ZNF609: variants seen among roughly 807,000 people sequenced by gnomAD.
ZNF609 encodes the protein zinc finger protein 609.
A neutral mutation model predicts 109.5 loss-of-function variants in ZNF609; 11 were observed. The ratio of observed to expected loss-of-function variants is 0.10; its 90% CI spans 0.06 to 0.17. The LOEUF is 0.17. Ranked by LOEUF, ZNF609 falls within the 10% of genes least tolerant of loss-of-function variation. The pLI is 1.00. For synonymous variants in ZNF609, 646 were observed against 662.0 expected (o/e 0.98, Z 0.37); for missense variants, 1,559 against 1,772.4 (o/e 0.88, Z 2.16).
chr15:64,639,242 C>T (rs897310269), intron 3 of ZNF609, among the ~76,000 whole-genome samples: 1 of 152,230 alleles, frequency 6.6e-6, no homozygotes, highest in Non-Finnish European at 1.5e-5. Context: ...AGCAGCAATT[C>T]AGTGAGGCTA....
At chr15:64,646,755 A>G (rs894912147) in intron 3 of ZNF609, among the ~76,000 whole-genome samples, 4 of 151,544 alleles carry the variant, frequency 2.6e-5, no homozygotes, top group South Asian at 4.2e-4. Context: ...CCTGGCCAAC[A>G]TGGTGAAACC....
At chr15:64,489,911 T>C (rs1423031340) in intron 1 of ZNF609, among the ~76,000 whole-genome samples, 2 of 152,132 alleles carry the variant, frequency 1.3e-5, no homozygotes, top group East Asian at 1.9e-4. Flanking sequence ...AAGAGCTACA[T>C]AGCCATCCAA....
Position 64,674,587 on chromosome 15 carries a change from C to G in ZNF609, c.1733C>G (p.Ser578Cys). The G allele has an allele frequency of 6.2e-7, 1 of 1,614,086 alleles. No individual in the cohort carries two copies. The highest frequency in any genetic ancestry group is 8.5e-7 in the Non-Finnish European group (1 of 1,180,006). ...CGACTTGTAGAGCCCCATAGCCCTT[C>G]TCCTTCAAGCAAATTCAGCACAAAA... Reference protein sequence around the residue: ...KVRLVEPHSPSPSSKFSTKGL... With the variant: ...KVRLVEPHSPCPSSKFSTKGL... Residue 578 changes from serine (S) to cysteine (C), a missense_variant, in exon 5 of 10, where the codon TCT (serine) becomes TGT (cysteine). Coordinates refer to ENST00000326648, the MANE Select transcript of ZNF609 (RefSeq NM_015042.2).
In ZNF609 at chr15:64,674,021, C is replaced by T; in HGVS notation, c.1167C>T (p.Ala389=). 1 of 1,614,198 alleles carries T rather than the reference C, an allele frequency of 6.2e-7. No homozygotes were observed. Among genetic ancestry groups the T allele is most frequent in the Non-Finnish European group, 8.5e-7 (1 of 1,180,048 alleles). Residue 389 remains alanine, a synonymous_variant, in exon 5 of 10, where the codon GCC becomes GCT. Coordinates refer to ENST00000326648, the MANE Select transcript of ZNF609 (RefSeq NM_015042.2). The stretch of plus-strand genomic sequence containing the variant: ...CACCTGTCAATGAGACAGCCACAGC[C>T]TCTGACAGCAAAGGGACCAGTAACA... ...SNTPVNETAT[A]SDSKGTSNSS... is the part of the protein sequence containing the mutation.
chr15:64,580,919 C>T (rs1222174590), intron 2 of ZNF609, among the ~76,000 whole-genome samples: 1 of 146,602 alleles, frequency 6.8e-6, no homozygotes, highest in Non-Finnish European at 1.5e-5. Flanking sequence ...AAATACTCAG[C>T]AGTTGACAAC....
At chr15:64,514,558 G>A (rs1157479236) in intron 2 of ZNF609, among the ~76,000 whole-genome samples, 1 of 151,926 alleles carries the variant, frequency 6.6e-6, no homozygotes, top group African/African-American at 2.4e-5. Context: ...CTTAGGCCCA[G>A]TGCCTTTGGT....
At chr15:64,490,102 G>T (rs1373286240) in intron 1 of ZNF609, among the ~76,000 whole-genome samples, 1 of 152,018 alleles carries the variant, frequency 6.6e-6, no homozygotes, top group Non-Finnish European at 1.5e-5. Flanking sequence ...GAGACTACAG[G>T]CATTTGCCAC....
intron 1 of ZNF609, among the ~76,000 whole-genome samples, chr15:64,488,482 A>G (rs1893361836): frequency 6.6e-6 from 1 of 152,216 alleles, no homozygotes. Flanking sequence ...CAGGAAACAA[A>G]TGTGACATCC....
chr15:64,463,874 C>T (rs903566538), intron 1 of ZNF609, among the ~76,000 whole-genome samples: 1 of 152,178 alleles, frequency 6.6e-6, no homozygotes, highest in African/African-American at 2.4e-5. Context: ...GGGCTCTTGG[C>T]ATTTATTTCT....
chr15:64,529,147 A>T, intron 2 of ZNF609: 2 of 747,928 alleles, frequency 2.7e-6, no homozygotes, highest in South Asian at 1.4e-5. Context: ...AACTGTGGTC[A>T]TGAATCCTTC....
At chr15:64,462,892 A>G (rs1286195888) in intron 1 of ZNF609, among the ~76,000 whole-genome samples, 2 of 152,362 alleles carry the variant, frequency 1.3e-5, no homozygotes, top group Middle Eastern at 3.4e-3. Flanking sequence ...AGAACAAACT[A>G]GAAGGAATCC....
At chr15:64,514,884 G>T (rs550529144) in intron 2 of ZNF609, among the ~76,000 whole-genome samples, 1 of 152,056 alleles carries the variant, frequency 6.6e-6, no homozygotes, top group South Asian at 2.1e-4. Flanking sequence ...TGATCCTTCC[G>T]CCTTAGCCTC....
chr15:64,637,994 T>TCATATATA (rs1555424285), intron 3 of ZNF609, among the ~76,000 whole-genome samples: 1 of 134,362 alleles, frequency 7.4e-6, no homozygotes, highest in Non-Finnish European at 1.6e-5. Flanking sequence ...GAACCTTGTT[T>TCATATATA]TATATATATA....
chr15:64,680,501 C>G, intron 7 of ZNF609, 141 bp downstream of exon 7: 2 of 1,310,914 alleles, frequency 1.5e-6, no homozygotes, highest in Non-Finnish European at 2.1e-6. Context: ...AGGGCATCTT[C>G]TTTATTCTTA....
chr15:64,678,847 A>G (rs1950599489), intron 6 of ZNF609, among the ~76,000 whole-genome samples: 2 of 152,254 alleles, frequency 1.3e-5, no homozygotes, highest in African/African-American at 2.4e-5. Context: ...TGGGAGGTAC[A>G]AAAGAAGTAG....
chr15:64,609,140 CTTT>C (rs1230899189), intron 2 of ZNF609, among the ~76,000 whole-genome samples: 19 of 109,866 alleles, frequency 1.7e-4, no homozygotes, highest in African/African-American at 6.4e-4. Flanking sequence ...TTTTTTCTTT[CTTT>C]TTTTTCTCTC....
chr15:64,510,774 C>T (rs796532084), intron 2 of ZNF609, among the ~76,000 whole-genome samples: 21 of 152,142 alleles, frequency 1.4e-4, no homozygotes, highest in African/African-American at 5.1e-4. Flanking sequence ...TGGGATGTGA[C>T]AATTTGACTG....
At chr15:64,666,074 C>CAAAA (rs35347624) in intron 3 of ZNF609, among the ~76,000 whole-genome samples, 1 of 134,422 alleles carries the variant, frequency 7.4e-6, no homozygotes, top group East Asian at 2.1e-4. Flanking sequence ...GACTTCGTCT[C>CAAAA]AAAAAAAAAA....
Position 64,674,872 on chromosome 15 carries a change from C to T in ZNF609, c.2018C>T (p.Thr673Ile). Residue 673 changes from threonine to isoleucine, a missense_variant, in exon 5 of 10, where the codon ACA (threonine) becomes ATA (isoleucine). Transcript: ENST00000326648. ...IPPQQIYTFQ[T>I]ATFTAASPGS... is the part of the protein sequence containing the mutation. ...CCACAGCAAATCTACACCTTCCAGACAGCCACCTTCACAGCAGCGAGCCCA... is the reference window on the plus strand; with the variant it reads ...CCACAGCAAATCTACACCTTCCAGATAGCCACCTTCACAGCAGCGAGCCCA... The T allele has an allele frequency of 6.2e-7, 1 of 1,614,184 alleles. No homozygotes were observed. The highest frequency in any genetic ancestry group is 8.5e-7 in the Non-Finnish European group (1 of 1,180,050).
Sources: gnomAD v4.1 joint callset for allele counts (sites outside exome capture counted in the v4.1 genomes callset) on GRCh38, gnomAD v4.1.1 for gene constraint, MANE v1.5 for transcripts, NCBI Gene and HGNC (gene_info 2026-07-23, HGNC 2026-07-21) for gene names.